EIF4A3: variants seen among roughly 807,000 people sequenced by gnomAD.
EIF4A3 encodes the protein eukaryotic translation initiation factor 4A3.
EIF4A3 carries 1 observed loss-of-function variant against 55.6 expected under a neutral mutation model. The observed-to-expected ratio is 0.02, with a 90% confidence interval of 0.01 to 0.09. The LOEUF (loss-of-function observed/expected upper bound fraction) is 0.09. Ranked by LOEUF, EIF4A3 falls within the 10% of genes least tolerant of loss-of-function variation. The pLI is 1.00. For missense variants in EIF4A3, 221 were observed against 540.7 expected (o/e 0.41, Z 5.86); for synonymous variants, 194 against 196.3 (o/e 0.99, Z 0.10).
At chr17:80,138,115 A>G in intron 8 of EIF4A3, 27 bp downstream of exon 8, 1 of 1,604,148 alleles carries the variant, frequency 6.2e-7, no homozygotes. Context: ...TCCCTTCAGC[A>G]CATGGATGCT....
rs558059239 is a variant in EIF4A3, at chr17:80,145,654, G to A, written c.169+1139C>T. On this transcript the variant is annotated intron_variant, in intron 1 of 11. Coordinates refer to ENST00000649764, the MANE Select transcript of EIF4A3 (RefSeq NM_014740.4). ...ACACAGGCCATTTATCCCAGATGCTGGTCATTCCCATCTATGTGCCCAACC... is the reference window on the plus strand; with the variant it reads ...ACACAGGCCATTTATCCCAGATGCTAGTCATTCCCATCTATGTGCCCAACC... Among the ~76,000 whole-genome samples, 6 of 152,232 alleles carry A rather than the reference G, an allele frequency of 3.9e-5. No individual in the cohort carries two copies. In the East Asian group the frequency reaches 5.8e-4, roughly 15 times the overall value.
rs753725743 is a variant in EIF4A3, at chr17:80,146,952, T to G, written c.10A>C (p.Thr4Pro). 10 of 1,606,148 alleles carry G rather than the reference T, an allele frequency of 6.2e-6. No individual in the cohort carries two copies. The highest frequency in any genetic ancestry group is 7.6e-6 in the Non-Finnish European group (9 of 1,177,894). The change falls in exon 1 of 12, where the codon ACG (threonine) becomes CCG (proline). Residue 4 changes from threonine to proline, a missense_variant. By Grantham distance (38) the Thr-to-Pro change is conservative (BLOSUM62 -1). Around this residue, in one of 4 missense-constraint regions of EIF4A3, gnomAD observed 43 missense variants for 39.1 expected, o/e 1.10. Coordinates refer to ENST00000649764, the MANE Select transcript of EIF4A3 (RefSeq NM_014740.4). ...GAGCCCGAGGTCGCCATCGTGGCCGTGGTCGCCATGATTCAGAGTCCGCGG... is the reference window on the plus strand; with the variant it reads ...GAGCCCGAGGTCGCCATCGTGGCCGGGGTCGCCATGATTCAGAGTCCGCGG... MAT[T>P]ATMATSGSAR...
intron 2 of EIF4A3, among the ~76,000 whole-genome samples, chr17:80,142,065 G>A (rs1161636732): frequency 6.6e-6 from 1 of 152,168 alleles, no homozygotes; most frequent in African/African-American, 2.4e-5. Flanking sequence ...CTGCACGGGG[G>A]CAATGGAGCC....
chr17:80,138,576 C>A, intron 7 of EIF4A3: 1 of 396,818 alleles, frequency 2.5e-6, no homozygotes, highest in Non-Finnish European at 4.6e-6. Flanking sequence ...GTTCAAACCA[C>A]AATGAGGATT....
At position 80,138,879 on chromosome 17, in the gene EIF4A3, G is replaced by A. The variant is rs969585563; in HGVS notation, c.728+142C>T. ...TCAATTCCTTTACACTCAGGCAAGA[G>A]GATAGCCTGAGGTCCGGGTTTTGAC... On this transcript the variant is annotated intron_variant, in intron 7 of 11. Transcript: ENST00000649764. The A allele has an allele frequency of 4.5e-6, 5 of 1,109,740 alleles. No homozygotes were observed. In the Admixed American group the frequency reaches 7.0e-5, roughly 16 times the overall value. 68.7% of individuals were successfully genotyped at this position (1,109,740 alleles called of 1,614,324 possible). A position where few individuals can be genotyped will look rare whatever the true frequency, so the allele number is the denominator to read the frequency against.
chr17:80,135,810 G>A, intron 11 of EIF4A3, 194 bp downstream of exon 11: 1 of 669,798 alleles, frequency 1.5e-6, no homozygotes, highest in Non-Finnish European at 2.5e-6. Flanking sequence ...CAGGAGAATT[G>A]CTTGAACCCA....
At position 80,140,112 on chromosome 17, in the gene EIF4A3, T is replaced by G. The variant is rs367636849; in HGVS notation, c.401A>C (p.Asn134Thr). 3.1e-6 allele frequency: 5 copies of G among 1,609,558 alleles called. No individual in the cohort carries two copies. The African/African-American group carries it at 6.7e-5, about 22-fold the overall frequency. ...TCCAATGCAGGCATGGCACTGGACA[T>G]TCATGTAGTCACCGAGAGCAAGCAG... ...KGLLALGDYM[N>T]VQCHACIGGT... is the part of the protein sequence containing the mutation. The change falls in exon 5 of 12, where the codon AAT (asparagine) becomes ACT (threonine). Residue 134 changes from asparagine to threonine, a missense_variant. Transcript: ENST00000649764.
At chr17:80,142,829 AG>A in intron 2 of EIF4A3, among the ~76,000 whole-genome samples, 1 of 152,180 alleles carries the variant, frequency 6.6e-6, no homozygotes, top group East Asian at 1.9e-4. Context: ...ACAGATTGCC[AG>A]GAGTTTGAGA....
At chr17:80,140,291 T>A in intron 4 of EIF4A3, 151 bp from the exon 5 acceptor site, 1 of 983,910 alleles carries the variant, frequency 1.0e-6, no homozygotes, top group Non-Finnish European at 1.4e-6. Flanking sequence ...CTCTTTTCTC[T>A]GACAAAAACA....
At chr17:80,137,598 A>G (rs2039583073) in intron 8 of EIF4A3, 97 bp from the exon 9 acceptor site, 1 of 915,432 alleles carries the variant, frequency 1.1e-6, no homozygotes, top group Admixed American at 2.4e-5. Flanking sequence ...ACCAGTATCA[A>G]TATTCGTAAG....
intron 8 of EIF4A3, among the ~76,000 whole-genome samples, chr17:80,137,777 C>A (rs2039584956): frequency 6.6e-6 from 1 of 152,082 alleles, no homozygotes; most frequent in Non-Finnish European, 1.5e-5. Flanking sequence ...GAATTCCAAT[C>A]TTGTTAGAAT....
In EIF4A3 at chr17:80,141,679, C is replaced by G. The variant is rs1404475578; in HGVS notation, c.309+103G>C. On this transcript the variant is annotated intron_variant, in intron 3 of 11. Coordinates refer to ENST00000649764, the MANE Select transcript of EIF4A3 (RefSeq NM_014740.4). Reference sequence around the variant, plus strand: ...TAAAAATTTGCTGAGTCAATACATACTAGAAAATTTTAAATTGTACTTTTT... The same window carrying G: ...TAAAAATTTGCTGAGTCAATACATAGTAGAAAATTTTAAATTGTACTTTTT... 3 of 1,220,648 alleles carry G rather than the reference C, an allele frequency of 2.5e-6. No individual in the cohort carries two copies. The Admixed American group carries it at 6.2e-5, about 25-fold the overall frequency. The allele number at this position is 1,220,648 out of a possible 1,614,324, so 75.6% of individuals were successfully genotyped here.
In EIF4A3 at chr17:80,134,506, C is replaced by CA. The variant is rs956202717; in HGVS notation, c.*983dup. 6.7e-6 allele frequency among the ~76,000 whole-genome samples: 1 copy of CA among 148,426 alleles called. No homozygotes were observed. Among genetic ancestry groups the CA allele is most frequent in the Non-Finnish European group, 1.5e-5 (1 of 67,082 alleles). On this transcript the variant is annotated 3_prime_UTR_variant, in exon 12 of 12. Coordinates refer to ENST00000649764, the MANE Select transcript of EIF4A3 (RefSeq NM_014740.4). Reference sequence around the variant, plus strand: ...GGGCGACAGGGAGATCCTGGGCTCTCAAAAAAACAACAAAAAAAAAAAATT... The same window carrying CA: ...GGGCGACAGGGAGATCCTGGGCTCTCAAAAAAAACAACAAAAAAAAAAAATT...
At chr17:80,140,719 G>A (rs1013418253) in intron 4 of EIF4A3, among the ~76,000 whole-genome samples, 1 of 151,926 alleles carries the variant, frequency 6.6e-6, no homozygotes, top group Admixed American at 6.6e-5. Context: ...CCCATCCACC[G>A]AAGAAACCAG....
intron 10 of EIF4A3, 23 bp from the exon 11 acceptor site, chr17:80,136,154 C>T (rs1330880828): frequency 6.2e-7 from 1 of 1,613,792 alleles, no homozygotes; most frequent in African/African-American, 1.3e-5. Flanking sequence ...AATAATATTA[C>T]AGTTAGTATA....
intron 1 of EIF4A3, 55 bp from the exon 2 acceptor site, chr17:80,144,299 G>A (rs777756282): frequency 1.3e-6 from 2 of 1,535,740 alleles, no homozygotes; most frequent in Admixed American, 1.7e-5. Flanking sequence ...TAGAAACCCT[G>A]TACTGTGAGC....
chr17:80,136,611 T>C (rs1005837655), intron 9 of EIF4A3: 1 of 474,254 alleles, frequency 2.1e-6, no homozygotes, highest in Admixed American at 3.8e-5. Context: ...ACTTGTTTAA[T>C]CGGTCCTAAA....
At chr17:80,142,216 T>C (rs922543195) in intron 2 of EIF4A3, among the ~76,000 whole-genome samples, 1 of 152,232 alleles carries the variant, frequency 6.6e-6, no homozygotes, top group African/African-American at 2.4e-5. Flanking sequence ...TGAGTCTTTT[T>C]TGAAATTAGG....
At chr17:80,141,692 A>C in intron 3 of EIF4A3, 90 bp downstream of exon 3, 1 of 1,366,614 alleles carries the variant, frequency 7.3e-7, no homozygotes. Context: ...GAAAATTTTA[A>C]ATTGTACTTT....
Sources: allele counts gnomAD v4.1 joint callset (sites outside exome capture counted in the v4.1 genomes callset), GRCh38; gene constraint gnomAD v4.1.1; regional missense constraint gnomAD v4.1.1; transcripts MANE v1.5; gene names NCBI Gene and HGNC (gene_info 2026-07-23, HGNC 2026-07-21).